The following NR1I2 variants were observed in gnomAD, a reference collection of about 807,000 sequenced individuals.
NR1I2 encodes orphan nuclear receptor PAR1.
NR1I2 carries 42 observed loss-of-function variants against 43.3 expected under a neutral mutation model. The ratio of observed to expected loss-of-function variants is 0.97; its 90% CI spans 0.76 to 1.26. The LOEUF is 1.26. Among genes scored for constraint, NR1I2 ranks in the 50% most tolerant of loss-of-function variants. NR1I2 has a pLI of 0.00. For missense variants in NR1I2, 559 were observed against 566.7 expected, an observed-to-expected ratio of 0.99 and a Z score of 0.14; for synonymous variants, 229 against 215.0, an observed-to-expected ratio of 1.06 and a Z score of -0.57.
Position 119,815,342 on chromosome 3 carries a change from A to G in NR1I2, c.957A>G (p.Leu319=), listed in dbSNP as rs1318358902. The G allele has an allele frequency of 6.2e-7, 1 of 1,613,902 alleles. No individual in the cohort carries two copies. Among genetic ancestry groups the G allele is most frequent in the Middle Eastern group, 1.7e-4 (1 of 5,970 alleles). Residue 319 remains leucine (L), a synonymous_variant, in exon 7 of 9, where the codon CTA becomes CTG. Coordinates refer to ENST00000393716, the MANE Select transcript of NR1I2 (RefSeq NM_003889.4). ...CCACAGGTGGCTTCCAGCAACTTCT[A>G]CTGGAGCCCATGCTGAAATTCCACT...
At chr3:119,802,275 G>A (rs962831850) in intron 1 of NR1I2, among the ~76,000 whole-genome samples, 2 of 152,182 alleles carry the variant, frequency 1.3e-5, no homozygotes, top group African/African-American at 2.4e-5. Context: ...CAAATACTGC[G>A]GAATGAGATT....
intron 2 of NR1I2, among the ~76,000 whole-genome samples, chr3:119,809,322 A>G (rs1355086896): frequency 6.6e-6 from 1 of 151,708 alleles, no homozygotes; most frequent in African/African-American, 2.4e-5. Flanking sequence ...CATCTGCCCC[A>G]TTGCCTCTCT....
At chr3:119,797,200 G>GTGTGTC (rs1462801427) in intron 1 of NR1I2, among the ~76,000 whole-genome samples, 1 of 150,766 alleles carries the variant, frequency 6.6e-6, no homozygotes, top group Non-Finnish European at 1.5e-5. Flanking sequence ...GTGTGTGTGT[G>GTGTGTC]TGTGTGTGTG....
At chr3:119,809,953 C>A in intron 2 of NR1I2, 108 bp from the exon 3 acceptor site, 1 of 1,439,352 alleles carries the variant, frequency 6.9e-7, no homozygotes, top group Non-Finnish European at 9.7e-7. Context: ...CTAGTGTCCC[C>A]CTCCCCGAGT....
chr3:119,797,184 A>ATGTGTGTGTGTG (rs1401966538), intron 1 of NR1I2, among the ~76,000 whole-genome samples: 62 of 24,998 alleles, frequency 2.5e-3, no homozygotes, highest in African/African-American at 5.8e-3. Flanking sequence ...CTGCACAAAG[A>ATGTGTGTGTGTG]TATGTGTGTG....
intron 1 of NR1I2, chr3:119,791,955 C>G (rs1437966583): frequency 1.5e-6 from 1 of 682,580 alleles, no homozygotes. Flanking sequence ...CTGTGGAGTA[C>G]AGGACATTGT....
At chr3:119,812,132 C>T (rs77387365) in intron 4 of NR1I2, among the ~76,000 whole-genome samples, 1,700 of 151,888 alleles carry the variant, frequency 0.011, 29 homozygotes, top group African/African-American at 0.039. Context: ...TGCTGGCATT[C>T]GGGGCTTTAT....
intron 7 of NR1I2, 35 bp downstream of exon 7, chr3:119,815,474 C>A (rs373038373): frequency 1.3e-6 from 2 of 1,525,602 alleles, no homozygotes; most frequent in South Asian, 1.1e-5. Flanking sequence ...GACATCCCCC[C>A]CAGCCTTATC....
intron 4 of NR1I2, among the ~76,000 whole-genome samples, chr3:119,812,270 G>A (rs982810715): frequency 6.6e-6 from 1 of 152,072 alleles, no homozygotes; most frequent in Non-Finnish European, 1.5e-5. Flanking sequence ...ATCTCAAGTG[G>A]CCCTTCACAG....
At chr3:119,793,449 C>T (rs2054950096) in intron 1 of NR1I2, among the ~76,000 whole-genome samples, 2 of 152,216 alleles carry the variant, frequency 1.3e-5, no homozygotes, top group South Asian at 2.1e-4. Flanking sequence ...GATCCCAACT[C>T]TGCCCAATCA....
chr3:119,807,532 A>C, intron 2 of NR1I2, 85 bp downstream of exon 2: 1 of 1,210,322 alleles, frequency 8.3e-7, no homozygotes. Context: ...CCTGTCCCCC[A>C]GGTTCAGAGT....
intron 1 of NR1I2, among the ~76,000 whole-genome samples, chr3:119,800,714 T>C (rs536929005): frequency 3.9e-5 from 6 of 152,312 alleles, no homozygotes; most frequent in Non-Finnish European, 7.4e-5. Flanking sequence ...AGAGTGGCAG[T>C]AAGGTTCCTC....
intron 1 of NR1I2, among the ~76,000 whole-genome samples, chr3:119,795,609 A>T (rs1388857587): frequency 6.6e-6 from 1 of 152,134 alleles, no homozygotes. Context: ...GGTGCCTGGA[A>T]ATAGTCAAGG....
chr3:119,792,168 C>T (rs568066727), intron 1 of NR1I2: 47 of 944,638 alleles, frequency 5.0e-5, no homozygotes, highest in Admixed American at 4.1e-4. Flanking sequence ...CTATGATGAG[C>T]GTGTGCTGCC....
chr3:119,801,434 G>T (rs1184120655), intron 1 of NR1I2, among the ~76,000 whole-genome samples: 1 of 152,186 alleles, frequency 6.6e-6, no homozygotes, highest in Admixed American at 6.5e-5. Flanking sequence ...CCCTAAATTT[G>T]CATGAAAGAG....
At chr3:119,789,931 T>G (rs1187505679) in intron 1 of NR1I2, among the ~76,000 whole-genome samples, 1 of 152,208 alleles carries the variant, frequency 6.6e-6, no homozygotes, top group African/African-American at 2.4e-5. Context: ...GAAAAATTAA[T>G]TAGTTCTGGT....
chr3:119,811,487 T>C, intron 3 of NR1I2, 52 bp from the exon 4 acceptor site: 1 of 1,550,466 alleles, frequency 6.4e-7, no homozygotes, highest in Non-Finnish European at 8.8e-7. Flanking sequence ...TCCAGGGGGC[T>C]GGAGGCTCAC....
intron 1 of NR1I2, among the ~76,000 whole-genome samples, chr3:119,805,236 T>C (rs1178337019): frequency 6.6e-6 from 1 of 152,152 alleles, no homozygotes; most frequent in Non-Finnish European, 1.5e-5. Context: ...ATTCTAGAAG[T>C]TTTTTTGGTT....
chr3:119,800,626 G>A (rs2055065607), intron 1 of NR1I2, among the ~76,000 whole-genome samples: 2 of 152,114 alleles, frequency 1.3e-5, no homozygotes, highest in South Asian at 4.1e-4. Flanking sequence ...CGGTCTTGCT[G>A]TATTACCCAG....
Sources: allele counts gnomAD v4.1 joint callset (sites outside exome capture counted in the v4.1 genomes callset), GRCh38; gene constraint gnomAD v4.1.1; transcripts MANE v1.5; gene names NCBI Gene and HGNC (gene_info 2026-07-23, HGNC 2026-07-21).